NAALAD2: variants seen among roughly 807,000 people sequenced by gnomAD.
NAALAD2 encodes the protein N-acetylated-alpha-linked acidic dipeptidase 2.
NAALAD2 carries 89 observed loss-of-function variants against 95.6 expected under a neutral mutation model. The observed-to-expected ratio is 0.93, with a 90% CI of 0.78 to 1.11. The LOEUF (loss-of-function observed/expected upper bound fraction) is 1.11. Among genes scored for constraint, NAALAD2 ranks in the 50% least tolerant of loss-of-function variants. The pLI, the probability that NAALAD2 is intolerant of heterozygous loss-of-function variation, is 0.00. For synonymous variants in NAALAD2, 264 were observed against 294.4 expected (o/e 0.90, Z 1.06); for missense variants, 894 against 872.4 (o/e 1.02, Z -0.31).
intron 8 of NAALAD2, 131 bp from the exon 9 acceptor site, chr11:90,162,818 T>G (rs953193373): frequency 3.7e-4 from 197 of 533,694 alleles, no homozygotes; most frequent in Admixed American, 1.0e-3. Context: ...GTGGTAGAGA[T>G]ATGAGAATCC....
chr11:90,163,604 C>G lies in NAALAD2; in HGVS notation c.1265C>G (p.Thr422Arg). The change falls in exon 11 of 19, where the codon ACA (threonine) becomes AGA (arginine). Residue 422 changes from threonine to arginine, a missense_variant. Transcript: ENST00000534061. ...GAAGAATTTGGACTTCTGGGTTCCA[C>G]AGAATGGGCTGAGGTAAATAAGACA... ...DAEEFGLLGSTEWAEENVKIL... is the reference protein window; with the variant it reads ...DAEEFGLLGSREWAEENVKIL... 3 of 1,613,968 alleles carry G rather than the reference C, an allele frequency of 1.9e-6. No individual in the cohort carries two copies. Among genetic ancestry groups the G allele is most frequent in the Non-Finnish European group, 2.5e-6 (3 of 1,179,934 alleles).
At chr11:90,186,147 A>T (rs1470501220) in intron 18 of NAALAD2, among the ~76,000 whole-genome samples, 1 of 152,018 alleles carries the variant, frequency 6.6e-6, no homozygotes. Context: ...ATCTAGCATT[A>T]GGTATATCTC....
At chr11:90,171,351 G>A (rs925665619) in intron 13 of NAALAD2, among the ~76,000 whole-genome samples, 2 of 152,064 alleles carry the variant, frequency 1.3e-5, no homozygotes, top group African/African-American at 4.8e-5. Context: ...TTTTCCAAAT[G>A]AAACTCCTCT....
chr11:90,156,087 C>T (rs936365321), intron 6 of NAALAD2, among the ~76,000 whole-genome samples: 1 of 151,610 alleles, frequency 6.6e-6, no homozygotes, highest in African/African-American at 2.4e-5. Context: ...ATATTCTCTC[C>T]TTTATTCCTG....
chr11:90,184,306 T>C (rs1857057361), intron 18 of NAALAD2, among the ~76,000 whole-genome samples: 1 of 152,152 alleles, frequency 6.6e-6, no homozygotes, highest in African/African-American at 2.4e-5. Flanking sequence ...AAAAATTATT[T>C]TTCTAAGCTT....
intron 2 of NAALAD2, among the ~76,000 whole-genome samples, chr11:90,142,524 A>C (rs1951645085): frequency 6.6e-6 from 1 of 152,096 alleles, no homozygotes; most frequent in Non-Finnish European, 1.5e-5. Flanking sequence ...ACTTACTTTT[A>C]ACTATCACTT....
At chr11:90,162,759 GTAC>G (rs1173031172) in intron 8 of NAALAD2, 187 bp from the exon 9 acceptor site, 2 of 391,754 alleles carry the variant, frequency 5.1e-6, no homozygotes, top group Non-Finnish European at 9.2e-6. Context: ...CATAATGTCT[GTAC>G]CTTACTTGCA....
intron 16 of NAALAD2, among the ~76,000 whole-genome samples, chr11:90,180,220 A>C (rs1156253750): frequency 6.6e-6 from 1 of 152,136 alleles, no homozygotes; most frequent in African/African-American, 2.4e-5. Context: ...ATGTGTTACT[A>C]AATCCCAGGA....
chr11:90,141,613 T>TG, intron 2 of NAALAD2, among the ~76,000 whole-genome samples: 1 of 145,682 alleles, frequency 6.9e-6, no homozygotes, highest in Non-Finnish European at 1.5e-5. Flanking sequence ...TTTGTTTGTT[T>TG]TGGTTTTGGG....
chr11:90,178,735 G>A (rs1264842672), intron 16 of NAALAD2, among the ~76,000 whole-genome samples: 3 of 151,926 alleles, frequency 2.0e-5, no homozygotes, highest in Non-Finnish European at 4.4e-5. Context: ...ATTTGCAAAA[G>A]ATTGAGAAAG....
At chr11:90,138,662 T>C (rs764104593) in intron 2 of NAALAD2, among the ~76,000 whole-genome samples, 1 of 151,634 alleles carries the variant, frequency 6.6e-6, no homozygotes, top group Non-Finnish European at 1.5e-5. Context: ...TGTTAATTTT[T>C]CTGGTGTCTA....
At chr11:90,158,013 C>T (rs1324953961) in intron 6 of NAALAD2, 132 bp from the exon 7 acceptor site, 6 of 684,356 alleles carry the variant, frequency 8.8e-6, no homozygotes, top group South Asian at 3.5e-5. Flanking sequence ...GCCACCACGC[C>T]TGGCCAGGAA....
chr11:90,156,157 G>T (rs1443863479), intron 6 of NAALAD2, among the ~76,000 whole-genome samples: 2 of 151,736 alleles, frequency 1.3e-5, no homozygotes, highest in Non-Finnish European at 2.9e-5. Flanking sequence ...AAGTTTATTA[G>T]TTTTATTGAT....
chr11:90,182,546 CCTT>C (rs1234958317), intron 17 of NAALAD2, among the ~76,000 whole-genome samples: 1 of 152,102 alleles, frequency 6.6e-6, no homozygotes, highest in Non-Finnish European at 1.5e-5. Flanking sequence ...GTTATCTGCT[CCTT>C]TTTTCAGCAG....
chr11:90,189,940 T>G (rs2135003346), intron 18 of NAALAD2, among the ~76,000 whole-genome samples: 1 of 152,244 alleles, frequency 6.6e-6, no homozygotes, highest in Non-Finnish European at 1.5e-5. Flanking sequence ...GGAGGGTAAT[T>G]AAATCATCAT....
chr11:90,187,145 T>G (rs1327756472), intron 18 of NAALAD2, among the ~76,000 whole-genome samples: 1 of 151,424 alleles, frequency 6.6e-6, no homozygotes, highest in Non-Finnish European at 1.5e-5. Context: ...CCAGTTAGAA[T>G]GGCAATCATT....
chr11:90,155,334 A>C (rs1400097353), intron 6 of NAALAD2, among the ~76,000 whole-genome samples: 1 of 115,782 alleles, frequency 8.6e-6, no homozygotes, highest in Non-Finnish European at 1.6e-5. Context: ...TATAATGTAT[A>C]ATTATATATA....
rs150559714 is a variant in NAALAD2, at chr11:90,151,522, T to A, written c.610-776T>A. 8.5e-5 allele frequency among the ~76,000 whole-genome samples: 13 copies of A among 152,296 alleles called. No homozygotes were observed. In the East Asian group the frequency reaches 2.5e-3, roughly 29 times the overall value. On this transcript the variant is annotated intron_variant, in intron 5 of 18. Transcript: ENST00000534061. ...GTGTGAAGATTATTGTAGTATAGATTCATAGAAATTAAATGGCTAAATAAT... is the reference window on the plus strand; with the variant it reads ...GTGTGAAGATTATTGTAGTATAGATACATAGAAATTAAATGGCTAAATAAT...
At chr11:90,155,220 GTA>G (rs1218297098) in intron 6 of NAALAD2, among the ~76,000 whole-genome samples, 4 of 125,050 alleles carry the variant, frequency 3.2e-5, no homozygotes, top group Non-Finnish European at 4.7e-5. Flanking sequence ...TACATAATAT[GTA>G]TATGTGTGTG....
Sources: gnomAD v4.1 joint callset for allele counts (sites outside exome capture counted in the v4.1 genomes callset) on GRCh38, gnomAD v4.1.1 for gene constraint, MANE v1.5 for transcripts, NCBI Gene and HGNC (gene_info 2026-07-23, HGNC 2026-07-21) for gene names.